The following FDFT1 variants were observed in gnomAD, a reference collection of about 807,000 sequenced individuals.
The protein encoded by FDFT1 is farnesyl-diphosphate farnesyltransferase 1, also known as squalene synthase.
Under a neutral mutation model 46.8 loss-of-function variants are expected in FDFT1, and 68 were observed. That is an observed-to-expected ratio of 1.45 (90% CI 1.19 to 1.78). FDFT1 has a LOEUF of 1.78. Among genes scored for constraint, FDFT1 ranks in the 40% most tolerant of loss-of-function variants. FDFT1 has a pLI of 0.00. For synonymous variants in FDFT1, 351 were observed against 185.1 expected, an observed-to-expected ratio of 1.90 and a Z score of -7.28; for missense variants, 928 against 524.4, an observed-to-expected ratio of 1.77 and a Z score of -7.52.
rs1810585257 is a variant in FDFT1 at position 11,830,248 on chromosome 8, G to C, written c.707G>C (p.Trp236Ser). 2 of 1,613,180 alleles carry C rather than the reference G, an allele frequency of 1.2e-6. No homozygotes were observed. The highest frequency in any genetic ancestry group is 1.7e-6 in the Non-Finnish European group (2 of 1,179,150). ...GGREFWPQEV[W>S]SRYVKKLGDF... ...TTAATCTTCTTATCTGTCTAGGTTT[G>C]GAGCAGGTATGTTAAGAAGTTAGGG... Residue 236 changes from tryptophan to serine, a missense_variant, in exon 6 of 8, where the codon TGG (tryptophan) becomes TCG (serine). Physicochemically the swap from Trp to Ser is radical, Grantham distance 177. Coordinates refer to ENST00000220584, the MANE Select transcript of FDFT1 (RefSeq NM_004462.5).
At chr8:11,811,390 G>C (rs1242561487) in intron 3 of FDFT1, among the ~76,000 whole-genome samples, 1 of 152,320 alleles carries the variant, frequency 6.6e-6, no homozygotes, top group East Asian at 1.9e-4. Context: ...TTTGACTTGA[G>C]TGGATTCATA....
At chr8:11,800,582 C>T (rs1008356525), upstream of FDFT1, among the ~76,000 whole-genome samples, 4 of 152,152 alleles carry the variant, frequency 2.6e-5, no homozygotes, top group Non-Finnish European at 1.5e-5. Flanking sequence ...GGTTGAAACA[C>T]CTTCAAATAA....
intron 7 of FDFT1, among the ~76,000 whole-genome samples, chr8:11,833,829 G>T (rs769896761): frequency 1.1e-4 from 17 of 152,168 alleles, no homozygotes; most frequent in Non-Finnish European, 2.2e-4. Flanking sequence ...GGTATCAGTT[G>T]TTCTGTTATC....
intron 5 of FDFT1, among the ~76,000 whole-genome samples, chr8:11,828,480 G>A (rs1487212084): frequency 6.6e-6 from 1 of 152,204 alleles, no homozygotes; most frequent in Non-Finnish European, 1.5e-5. Flanking sequence ...GGCAGTGGCT[G>A]CCTTGGAAGT....
chr8:11,800,902 G>A (rs961855893), upstream of FDFT1, among the ~76,000 whole-genome samples: 1 of 152,220 alleles, frequency 6.6e-6, no homozygotes, highest in African/African-American at 2.4e-5. Flanking sequence ...GAGGTGGGGA[G>A]TGGGAGGGCT....
At position 11,826,188 on chromosome 8, in the gene FDFT1, A is replaced by C; in HGVS notation, c.675A>C (p.Gln225His). The C allele has an allele frequency of 6.4e-7, 1 of 1,574,412 alleles. No homozygotes were observed. Among genetic ancestry groups the C allele is most frequent in the African/African-American group, 1.3e-5 (1 of 74,454 alleles). Reference sequence around the variant, plus strand: ...TCCGTGACTATCTGGAAGACCAGCAAGGAGGAAGAGAGTTCTGGCCTCAAG... The same window carrying C: ...TCCGTGACTATCTGGAAGACCAGCACGGAGGAAGAGAGTTCTGGCCTCAAG... The part of the protein sequence containing the change: ...NIIRDYLEDQ[Q>H]GGREFWPQEV... Residue 225 changes from glutamine (Q) to histidine (H), a missense_variant, in exon 5 of 8, where the codon CAA (glutamine) becomes CAC (histidine). Physicochemically the swap from Gln to His is conservative, Grantham distance 24 (BLOSUM62 0). Coordinates refer to ENST00000220584, the MANE Select transcript of FDFT1 (RefSeq NM_004462.5).
Position 11,809,676 on chromosome 8 carries a change from G to T in FDFT1, c.207G>T (p.Val69=), listed in dbSNP as rs201041296. The T allele has an allele frequency of 6.2e-7, 1 of 1,611,948 alleles. No individual in the cohort carries two copies. Among genetic ancestry groups the T allele is most frequent in the Admixed American group, 1.7e-5 (1 of 59,454 alleles). The change falls in exon 3 of 8, where the codon GTG becomes GTT. Residue 69 remains valine, a synonymous_variant. Coordinates refer to ENST00000220584, the MANE Select transcript of FDFT1 (RefSeq NM_004462.5). Reference sequence around the variant, plus strand: ...TTTCCCTTTTTTACAGCAACGCAGTGTGCATATTTTATCTGGTTCTCCGAG... The same window carrying T: ...TTTCCCTTTTTTACAGCAACGCAGTTTGCATATTTTATCTGGTTCTCCGAG... ...QALDGEMRNA[V]CIFYLVLRAL...
chr8:11,804,870 A>G (rs1257395820), intron 1 of FDFT1, among the ~76,000 whole-genome samples: 2 of 150,944 alleles, frequency 1.3e-5, no homozygotes, highest in African/African-American at 2.4e-5. Context: ...TGGTCTCCCA[A>G]AGTGCTAGGA....
upstream of FDFT1, among the ~76,000 whole-genome samples, chr8:11,799,958 AATG>A (rs1316328064): frequency 1.4e-5 from 2 of 145,682 alleles, no homozygotes; most frequent in Non-Finnish European, 3.0e-5. Flanking sequence ...AAAAAAAAAA[AATG>A]AAGAAGAAAT....
At chr8:11,813,001 C>T (rs762008659) in intron 3 of FDFT1, among the ~76,000 whole-genome samples, 1 of 151,634 alleles carries the variant, frequency 6.6e-6, no homozygotes, top group African/African-American at 2.4e-5. Context: ...GATGGCATAG[C>T]TACTACAGAC....
intron 2 of FDFT1, chr8:11,809,385 T>C: frequency 8.6e-7 from 1 of 1,165,260 alleles, no homozygotes; most frequent in Non-Finnish European, 1.1e-6. Context: ...TTTGGTCTTC[T>C]GGTCTCCATA....
intron 3 of FDFT1, among the ~76,000 whole-genome samples, chr8:11,813,424 A>G (rs1402364429): frequency 6.6e-6 from 1 of 152,232 alleles, no homozygotes; most frequent in African/African-American, 2.4e-5. Context: ...GATCTATAAC[A>G]TCGTTTAACA....
chr8:11,830,538 G>T, intron 6 of FDFT1, 118 bp downstream of exon 6: 2 of 725,346 alleles, frequency 2.8e-6, no homozygotes, highest in Non-Finnish European at 4.6e-6. Flanking sequence ...GATGACTCCA[G>T]TTTATTACGC....
chr8:11,798,668 G>C (rs548789872), upstream of FDFT1, among the ~76,000 whole-genome samples: 4 of 152,142 alleles, frequency 2.6e-5, no homozygotes, highest in Admixed American at 6.5e-5. Context: ...GAATGGGCAC[G>C]TTAACTAACT....
rs144392308 is a variant in FDFT1, at chr8:11,838,191, C to G, written c.1033-197C>G. On this transcript the variant is annotated intron_variant, in intron 7 of 7. Coordinates refer to ENST00000220584, the MANE Select transcript of FDFT1 (RefSeq NM_004462.5). ...CCTCCTGTTTGCTCAGGAAGACAGGCTTTGAGATGAGCTGGGGCTGACATC... is the reference window on the plus strand; with the variant it reads ...CCTCCTGTTTGCTCAGGAAGACAGGGTTTGAGATGAGCTGGGGCTGACATC... Among the ~76,000 whole-genome samples the G allele has an allele frequency of 4.0e-3, 616 of 152,276 alleles. 7 individuals carry two copies. Among genetic ancestry groups the G allele is most frequent in the African/African-American group, 0.014 (590 of 41,552 alleles).
chr8:11,818,242 C>G (rs1808733306), intron 3 of FDFT1, among the ~76,000 whole-genome samples: 1 of 152,160 alleles, frequency 6.6e-6, no homozygotes, highest in African/African-American at 2.4e-5. Flanking sequence ...GTTGTAATTT[C>G]TGTTCTTTTA....
At chr8:11,811,745 G>T (rs185125170) in intron 3 of FDFT1, among the ~76,000 whole-genome samples, 1 of 152,364 alleles carries the variant, frequency 6.6e-6, no homozygotes, top group East Asian at 1.9e-4. Context: ...AGCAGAAGGC[G>T]TAAGCCAGGC....
chr8:11,827,461 T>C (rs1255184176), intron 5 of FDFT1, among the ~76,000 whole-genome samples: 1 of 148,212 alleles, frequency 6.7e-6, no homozygotes, highest in Non-Finnish European at 1.5e-5. Flanking sequence ...AAGGTTGGAT[T>C]GAGTTGTAAT....
Position 11,808,852 on chromosome 8 carries a change from G to GT in FDFT1, c.161dup (p.Ala55ArgfsTer31), listed in dbSNP as rs1807292498. The GT allele has an allele frequency of 6.2e-7, 1 of 1,613,998 alleles. No individual in the cohort carries two copies. The highest frequency in any genetic ancestry group is 1.3e-5 in the African/African-American group (1 of 74,946). On this transcript the variant is annotated frameshift_variant, in exon 2 of 8. Transcript: ENST00000220584. LOFTEE classifies it high-confidence loss of function. ...AAGTATCTCAATCAGACCAGTCGCAGTTTCGCAGCTGTTATCCAGGCGCTG... is the reference window on the plus strand; with the variant it reads ...AAGTATCTCAATCAGACCAGTCGCAGTTTTCGCAGCTGTTATCCAGGCGCTG...
Sources: allele counts gnomAD v4.1 joint callset (sites outside exome capture counted in the v4.1 genomes callset), GRCh38; gene constraint gnomAD v4.1.1; transcripts MANE v1.5; gene names NCBI Gene and HGNC (gene_info 2026-07-23, HGNC 2026-07-21).